FRMD3: variants seen among roughly 807,000 people sequenced by gnomAD.
FRMD3 encodes FERM domain-containing protein 3.
FRMD3 carries 33 observed loss-of-function variants against 70.2 expected under a neutral mutation model. The ratio of observed to expected loss-of-function variants is 0.47; its 90% CI spans 0.36 to 0.63. The LOEUF is 0.63. Ranked by LOEUF, FRMD3 falls within the 20% of genes least tolerant of loss-of-function variation. The probability of loss-of-function intolerance (pLI) is 0.00; values close to 1 mark genes in which losing one functional copy is unlikely to be tolerated. For missense variants in FRMD3, 632 were observed against 711.4 expected (o/e 0.89, Z 1.27); for synonymous variants, 279 against 255.9 (o/e 1.09, Z -0.86).
intron 6 of FRMD3, among the ~76,000 whole-genome samples, chr9:83,326,010 T>C (rs947508634): frequency 1.3e-5 from 2 of 152,224 alleles, no homozygotes; most frequent in African/African-American, 4.8e-5. Context: ...CAATGAAGAC[T>C]GTATGTTCTA....
chr9:83,325,952 AT>A (rs1467421241), intron 6 of FRMD3, among the ~76,000 whole-genome samples: 1 of 152,190 alleles, frequency 6.6e-6, no homozygotes, highest in Non-Finnish European at 1.5e-5. Flanking sequence ...ACACCCACTT[AT>A]CTGCATATTG....
At chr9:83,565,623 T>A in the FRMD3 span, among the ~76,000 whole-genome samples, 1 of 152,234 alleles carries the variant, frequency 6.6e-6, no homozygotes. Context: ...AAAATCTGAC[T>A]GTCCCAGTCC....
chr9:83,365,080 T>C (rs1486736049), intron 3 of FRMD3, among the ~76,000 whole-genome samples: 1 of 152,226 alleles, frequency 6.6e-6, no homozygotes, highest in Admixed American at 6.5e-5. Context: ...CTTGGTATAC[T>C]ATTCAACAGA....
At position 83,380,050 on chromosome 9, in the gene FRMD3, C is replaced by T. The variant is rs567698346; in HGVS notation, c.253-7095G>A. Reference sequence around the variant, plus strand: ...ACAGAAATTTTTATCTCAAGGTCTGCTTCTTCAAACCAGACCTAAAACAGC... The same window carrying T: ...ACAGAAATTTTTATCTCAAGGTCTGTTTCTTCAAACCAGACCTAAAACAGC... On this transcript the variant is annotated intron_variant, in intron 2 of 13. Coordinates refer to ENST00000304195, the MANE Select transcript of FRMD3 (RefSeq NM_174938.6). Among the ~76,000 whole-genome samples, 258 of 152,290 alleles carry T rather than the reference C, an allele frequency of 1.7e-3. 1 individual carries two copies. The highest frequency in any genetic ancestry group is 5.5e-3 in the African/African-American group (228 of 41,558).
chr9:83,548,142 C>T, the FRMD3 span, among the ~76,000 whole-genome samples: 1 of 152,134 alleles, frequency 6.6e-6, no homozygotes, highest in African/African-American at 2.4e-5. Context: ...ATGGTACAGC[C>T]ACTTTGAAAG....
chr9:83,346,845 T>C (rs1536889), intron 4 of FRMD3, among the ~76,000 whole-genome samples: 47,441 of 151,976 alleles, frequency 0.31, 7,773 homozygotes, highest in Non-Finnish European at 0.35. Context: ...TTATAACAAG[T>C]TCCCAGGGGA....
intron 1 of FRMD3, among the ~76,000 whole-genome samples, chr9:83,403,093 G>A (rs918312025): frequency 1.3e-5 from 2 of 151,746 alleles, no homozygotes; most frequent in African/African-American, 2.4e-5. Flanking sequence ...TAGTAGAGAC[G>A]GGGTTTCATC....
chr9:83,362,013 G>A (rs1383804821), intron 3 of FRMD3, among the ~76,000 whole-genome samples: 1 of 152,126 alleles, frequency 6.6e-6, no homozygotes, highest in Non-Finnish European at 1.5e-5. Flanking sequence ...ATTGTTTTAA[G>A]CCACCCAGTA....
chr9:83,488,741 G>T (rs1437868076), intron 1 of FRMD3, among the ~76,000 whole-genome samples: 1 of 152,140 alleles, frequency 6.6e-6, no homozygotes, highest in East Asian at 1.9e-4. Flanking sequence ...CTCCTTCCAA[G>T]TTCCCAGGCC....
intron 1 of FRMD3, among the ~76,000 whole-genome samples, chr9:83,404,574 A>C (rs1826044482): frequency 6.6e-6 from 1 of 152,264 alleles, no homozygotes. Context: ...AGCCCCTCTC[A>C]GGGATGCACT....
intron 3 of FRMD3, among the ~76,000 whole-genome samples, chr9:83,350,028 G>T (rs905068346): frequency 6.6e-6 from 1 of 152,068 alleles, no homozygotes; most frequent in Non-Finnish European, 1.5e-5. Flanking sequence ...ATCACAGCTC[G>T]CCTTCATTCC....
Position 83,538,325 on chromosome 9 carries a change from C to G in FRMD3, c.-94G>C. On this transcript the variant is annotated 5_prime_UTR_variant, in exon 1 of 14. Transcript: ENST00000304195. This position sits in a 1 kb window ranked among gnomAD's most constrained non-coding sequence, Gnocchi z 4.7. ...CGCTCGCACGCACTGTCCGGGACAC[C>G]TGGGCGCGGCTCAGCCCCGGGACAT... is the stretch of plus-strand genomic sequence containing the variant. The G allele has an allele frequency of 8.1e-7, 1 of 1,230,348 alleles. No homozygotes were observed. The highest frequency in any genetic ancestry group is 1.6e-5 in the African/African-American group (1 of 64,062). 76.2% of individuals were successfully genotyped at this position (1,230,348 alleles called of 1,614,324 possible). A position where few individuals can be genotyped will look rare whatever the true frequency, so the allele number is the denominator to read the frequency against.
At chr9:83,500,510 A>G (rs1005915616) in intron 1 of FRMD3, among the ~76,000 whole-genome samples, 121 of 150,724 alleles carry the variant, frequency 8.0e-4, no homozygotes, top group Non-Finnish European at 1.1e-3. Flanking sequence ...GCGCACACAC[A>G]CACACACACA....
chr9:83,423,091 CG>C (rs1400246429), intron 1 of FRMD3, among the ~76,000 whole-genome samples: 2 of 152,046 alleles, frequency 1.3e-5, no homozygotes, highest in Non-Finnish European at 2.9e-5. Context: ...GCACCAATTT[CG>C]ATATTTTGAA....
chr9:83,583,635 G>A, the FRMD3 span, among the ~76,000 whole-genome samples: 1 of 152,052 alleles, frequency 6.6e-6, no homozygotes, highest in Non-Finnish European at 1.5e-5. Flanking sequence ...TTGAGACAGG[G>A]TCTCACTCTG....
chr9:83,287,790 G>C (rs769587239), intron 13 of FRMD3, among the ~76,000 whole-genome samples: 1 of 152,190 alleles, frequency 6.6e-6, no homozygotes, highest in Non-Finnish European at 1.5e-5. Context: ...TATCCAGTAG[G>C]GCACACAGAA....
intron 1 of FRMD3, among the ~76,000 whole-genome samples, chr9:83,407,068 G>A (rs1185757660): frequency 4.6e-5 from 7 of 152,122 alleles, no homozygotes; most frequent in Admixed American, 2.6e-4. Context: ...TGCATGAGAG[G>A]CCTCACAGAC....
At chr9:83,440,659 C>T (rs1469554170) in intron 1 of FRMD3, among the ~76,000 whole-genome samples, 2 of 152,232 alleles carry the variant, frequency 1.3e-5, no homozygotes, top group Admixed American at 6.5e-5. Context: ...GGCAGTGTAA[C>T]AGAGAGGGAA....
intron 13 of FRMD3, chr9:83,267,351 C>G (rs1298231958): frequency 7.4e-7 from 1 of 1,360,116 alleles, no homozygotes; most frequent in Non-Finnish European, 9.6e-7. Context: ...CCACTCACCC[C>G]TCTAACAAAC....
Sources: gnomAD v4.1 joint callset for allele counts (sites outside exome capture counted in the v4.1 genomes callset) on GRCh38, gnomAD v4.1.1 for gene constraint, Gnocchi (gnomAD v3.1) non-coding constraint, MANE v1.5 for transcripts, NCBI Gene and HGNC (gene_info 2026-07-23, HGNC 2026-07-21) for gene names.